HNRNPU: variants seen among roughly 807,000 people sequenced by gnomAD.
The protein encoded by HNRNPU is HNRNPU antisense RNA 1.
Under a neutral mutation model 94.7 loss-of-function variants are expected in HNRNPU, and 5 were observed. The observed-to-expected ratio is 0.05, with a 90% CI of 0.03 to 0.11. The LOEUF (loss-of-function observed/expected upper bound fraction) is 0.11, where lower values mean the gene tolerates loss of function less well. HNRNPU is among the 10% of genes least tolerant of loss of function. The pLI, the probability that HNRNPU is intolerant of heterozygous loss-of-function variation, is 1.00. For synonymous variants in HNRNPU, 434 were observed against 381.6 expected, an observed-to-expected ratio of 1.14 and a Z score of -1.60; for missense variants, 710 against 1,049.2, an observed-to-expected ratio of 0.68 and a Z score of 4.47.
intron 12 of HNRNPU, 116 bp from the exon 13 acceptor site, chr1:244,855,160 G>A (rs1163989493): frequency 3.9e-6 from 3 of 774,682 alleles, no homozygotes; most frequent in Middle Eastern, 2.6e-4. Context: ...TAGGTAGCAA[G>A]CAATACACAA....
In HNRNPU at chr1:244,857,613, A is replaced by G. The variant is rs1331029818; in HGVS notation, c.1599T>C (p.Ile533=). The G allele has an allele frequency of 2.5e-6, 4 of 1,613,332 alleles. No homozygotes were observed. Among genetic ancestry groups the G allele is most frequent in the East Asian group, 2.2e-5 (1 of 44,876 alleles). ...TTTTACTTACCATCATCTTATCCAT[A>G]ATAGTATTTGTGCCAAGAATGTTAT... ...GKYNILGTNT[I]MDKMMVAGFK... is the part of the protein sequence containing the mutation. Residue 533 remains isoleucine, a synonymous_variant, in exon 8 of 14, where the codon ATT becomes ATC. Coordinates refer to ENST00000640218, the MANE Select transcript of HNRNPU (RefSeq NM_031844.3).
chr1:244,862,455 A>G lies in HNRNPU; in HGVS notation c.877+6T>C. ...TTCATAATTGGGGAGAAACAGCTTCACTTACAAGTATCAAGACAAACCACT... is the reference window on the plus strand; with the variant it reads ...TTCATAATTGGGGAGAAACAGCTTCGCTTACAAGTATCAAGACAAACCACT... On this transcript the variant is annotated splice_donor_region_variant and intron_variant, in intron 3 of 13. Transcript: ENST00000640218. 1 of 1,593,636 alleles carries G rather than the reference A, an allele frequency of 6.3e-7. No homozygotes were observed. The highest frequency in any genetic ancestry group is 8.6e-7 in the Non-Finnish European group (1 of 1,165,272).
rs925186281 is a variant in HNRNPU, at chr1:244,861,256, TAG to T, written c.878-784_878-783del. On this transcript the variant is annotated intron_variant, in intron 3 of 13. Coordinates refer to ENST00000640218, the MANE Select transcript of HNRNPU (RefSeq NM_031844.3). ...CTACAGTTTGGAATTTTTCTTAAAT[TAG>T]AGTTATTCTAATCAACAGAATTTAA... The T allele has an allele frequency of 4.6e-5, 7 of 152,346 alleles. No homozygotes were observed. The East Asian group carries it at 7.7e-4, about 17-fold the overall frequency. The allele number at this position is 152,346 out of a possible 1,614,324, so 9.4% of individuals were successfully genotyped here.
chr1:244,857,982 C>G, intron 7 of HNRNPU, 29 bp downstream of exon 7: 1 of 1,563,650 alleles, frequency 6.4e-7, no homozygotes, highest in Non-Finnish European at 8.6e-7. Context: ...TATTCAAATG[C>G]CACAGTTAAA....
intron 3 of HNRNPU, 177 bp downstream of exon 3, chr1:244,862,284 C>T (rs1382384788): frequency 1.8e-6 from 1 of 569,744 alleles, no homozygotes; most frequent in Non-Finnish European, 3.1e-6. Flanking sequence ...CCACTTAATA[C>T]AACTGATGAC....
chr1:244,863,458 C>T (rs1257160232), intron 1 of HNRNPU, among the ~76,000 whole-genome samples, 159 bp downstream of exon 1: 1 of 151,012 alleles, frequency 6.6e-6, no homozygotes, highest in African/African-American at 2.4e-5. Flanking sequence ...CCCGAGGCCT[C>T]TCGGCTAATC....
chr1:244,855,092 T>C, intron 12 of HNRNPU, 48 bp from the exon 13 acceptor site: 1 of 1,479,946 alleles, frequency 6.8e-7, no homozygotes, highest in Admixed American at 1.7e-5. Context: ...AATTGCTTGT[T>C]AGGTTTGTGG....
At chr1:244,862,881 T>C (rs545777936) in intron 1 of HNRNPU, 151 bp from the exon 2 acceptor site, 9 of 670,592 alleles carry the variant, frequency 1.3e-5, no homozygotes, top group African/African-American at 9.0e-5. Context: ...AACAATCAAC[T>C]ACGAATTCGA....
At position 244,863,294 on chromosome 1, in the gene HNRNPU, C is replaced by G. The variant is rs574921786; in HGVS notation, c.691+323G>C. 3.1e-3 allele frequency among the ~76,000 whole-genome samples: 463 copies of G among 150,552 alleles called. 3 individuals are homozygous for G. Among genetic ancestry groups the G allele is most frequent in the African/African-American group, 0.011 (434 of 41,146 alleles). On this transcript the variant is annotated intron_variant, in intron 1 of 13. Coordinates refer to ENST00000640218, the MANE Select transcript of HNRNPU (RefSeq NM_031844.3). ...GCGCGACGGCGCCACCGCGGGCCGACCGGGCTCCCTCCCGCCGCCCGCCCG... is the reference window on the plus strand; with the variant it reads ...GCGCGACGGCGCCACCGCGGGCCGAGCGGGCTCCCTCCCGCCGCCCGCCCG...
At position 244,852,028 on chromosome 1, in the gene HNRNPU, G is replaced by A. The variant is rs1476260533; in HGVS notation, c.*2422C>T. ...AGCAATCTCACAGTGAGTTTCCTCT[G>A]GGTAGTCAGGATTTGTCCAGAACTA... is the stretch of plus-strand genomic sequence containing the variant. On this transcript the variant is annotated 3_prime_UTR_variant, in exon 14 of 14. Coordinates refer to ENST00000640218, the MANE Select transcript of HNRNPU (RefSeq NM_031844.3). The A allele has an allele frequency of 6.6e-6, 1 of 152,138 alleles. No homozygotes were observed. Among genetic ancestry groups the A allele is most frequent in the African/African-American group, 2.4e-5 (1 of 41,416 alleles). The allele number at this position is 152,138 out of a possible 1,614,324, so 9.4% of individuals were successfully genotyped here. A position where few individuals can be genotyped will look rare whatever the true frequency, so the allele number is the denominator to read the frequency against.
Position 244,854,496 on chromosome 1 carries a change from C to A in HNRNPU, c.2432G>T (p.Trp811Leu), listed in dbSNP as rs2102984340. Residue 811 changes from tryptophan (W) to leucine (L), a missense_variant, in exon 14 of 14, where the codon TGG (tryptophan) becomes TTG (leucine). Trp to Leu is a moderately conservative substitution (Grantham distance 61, BLOSUM62 -2). Around this residue, in one of 8 missense-constraint regions of HNRNPU, gnomAD observed 152 missense variants for 238.9 expected, o/e 0.64. Coordinates refer to ENST00000640218, the MANE Select transcript of HNRNPU (RefSeq NM_031844.3). ...GYNQWQQGQF[W>L]GQKPWSQHYH... ...ATGCTGACTCCATGGCTTCTGACCC[C>A]AGAATTGCTGTAAGAGAAAATTTTG... 1 of 1,606,430 alleles carries A rather than the reference C, an allele frequency of 6.2e-7. No individual in the cohort carries two copies. Among genetic ancestry groups the A allele is most frequent in the Middle Eastern group, 1.7e-4 (1 of 6,036 alleles).
At chr1:244,857,388 A>T in intron 8 of HNRNPU, 1 of 472,430 alleles carries the variant, frequency 2.1e-6, no homozygotes, top group South Asian at 2.9e-5. Context: ...CTGGGATTAC[A>T]GGAACCCACT....
intron 4 of HNRNPU, chr1:244,859,598 T>G (rs1317364422): frequency 6.0e-6 from 2 of 333,344 alleles, no homozygotes; most frequent in Non-Finnish European, 1.1e-5. Flanking sequence ...AAAGAATACT[T>G]AATATTTTTA....
chr1:244,863,870 C>G lies in HNRNPU; in HGVS notation c.438G>C (p.Gly146=). Residue 146 remains glycine, a synonymous_variant, in exon 1 of 14, where the codon GGG becomes GGC. Transcript: ENST00000640218. ...QGFQEGEDEL[G]DEEEGAGDEN... ...CGTCGCCCGCGCCTTCCTCTTCGTCCCCGAGCTCATCTTCCCCTTCCTGGA... is the reference window on the plus strand; with the variant it reads ...CGTCGCCCGCGCCTTCCTCTTCGTCGCCGAGCTCATCTTCCCCTTCCTGGA... 1 of 1,613,744 alleles carries G rather than the reference C, an allele frequency of 6.2e-7. No homozygotes were observed. The highest frequency in any genetic ancestry group is 1.1e-5 in the South Asian group (1 of 91,056).
At position 244,864,337 on chromosome 1, in the gene HNRNPU, T is replaced by A; in HGVS notation, c.-30A>T. 1.2e-6 allele frequency: 2 copies of A among 1,605,308 alleles called. No individual in the cohort carries two copies. Among genetic ancestry groups the A allele is most frequent in the Non-Finnish European group, 1.7e-6 (2 of 1,177,858 alleles). On this transcript the variant is annotated 5_prime_UTR_variant, in exon 1 of 14. Coordinates refer to ENST00000640218, the MANE Select transcript of HNRNPU (RefSeq NM_031844.3). ...AGGGCCCCGATTCACCGCTAGGCGC[T>A]GCCTCAAACTCGGCTCCGCTCACTC...
chr1:244,858,480 C>T, intron 6 of HNRNPU: 1 of 611,008 alleles, frequency 1.6e-6, no homozygotes, highest in East Asian at 2.8e-5. Flanking sequence ...CAATACTGAC[C>T]TAGAAGCTAG....
chr1:244,859,110 C>A (rs753475013), intron 5 of HNRNPU, 165 bp downstream of exon 5: 1 of 579,184 alleles, frequency 1.7e-6, no homozygotes, highest in Non-Finnish European at 3.0e-6. Context: ...GGAACAAAAA[C>A]TAAAATGTAG....
intron 11 of HNRNPU, 59 bp downstream of exon 11, chr1:244,855,845 A>G: frequency 1.3e-6 from 2 of 1,579,380 alleles, no homozygotes; most frequent in South Asian, 1.2e-5. Context: ...CATCCAAACT[A>G]TAAAATTATC....
At position 244,858,220 on chromosome 1, in the gene HNRNPU, C is replaced by T. The variant is rs762720157; in HGVS notation, c.1285G>A (p.Gly429Ser). 2 of 1,613,888 alleles carry T rather than the reference C, an allele frequency of 1.2e-6. No individual in the cohort carries two copies. The highest frequency in any genetic ancestry group is 2.7e-5 in the African/African-American group (2 of 75,022). ...TCCTTACTGATTTTGAAGGCAACGC[C>T]AAGATCTTGTCCATTCTTAGCATAC... The part of the protein sequence containing the change: ...LSYAKNGQDL[G>S]VAFKISKEVL... Residue 429 changes from glycine to serine, a missense_variant, in exon 7 of 14, where the codon GGC becomes AGC. Gly to Ser is a moderately conservative substitution (Grantham distance 56). Transcript: ENST00000640218.
Sources: allele counts gnomAD v4.1 joint callset (sites outside exome capture counted in the v4.1 genomes callset), GRCh38; gene constraint gnomAD v4.1.1; regional missense constraint gnomAD v4.1.1; transcripts MANE v1.5; gene names NCBI Gene and HGNC (gene_info 2026-07-23, HGNC 2026-07-21).